Variants in RNF212 observed in about 807,000 individuals in gnomAD.
The protein encoded by RNF212 is probable E3 SUMO-protein ligase RNF212.
In RNF212, 33 loss-of-function variants were observed where a neutral mutation model predicts 34.7. The observed-to-expected ratio is 0.95, with a 90% confidence interval of 0.72 to 1.27. The LOEUF (loss-of-function observed/expected upper bound fraction) is 1.27, where lower values mean the gene tolerates loss of function less well. Among genes scored for constraint, RNF212 ranks in the 50% most tolerant of loss-of-function variants. The pLI is 0.00. For synonymous variants in RNF212, 140 were observed against 136.1 expected (o/e 1.03, Z -0.20); for missense variants, 377 against 362.2 (o/e 1.04, Z -0.33).
intron 5 of RNF212, chr4:1,085,617 G>T: frequency 1.9e-6 from 1 of 530,570 alleles, no homozygotes; most frequent in Non-Finnish European, 3.4e-6. Context: ...GGGGGCACCT[G>T]CTGCTCTCCC....
chr4:1,078,374 G>A (rs532768353), intron 8 of RNF212, among the ~76,000 whole-genome samples: 4 of 152,206 alleles, frequency 2.6e-5, no homozygotes, highest in African/African-American at 7.2e-5. Context: ...CCTCTCTCCC[G>A]TTTCCGAGCT....
chr4:1,094,111 G>A, intron 3 of RNF212: 1 of 1,383,262 alleles, frequency 7.2e-7, no homozygotes, highest in Non-Finnish European at 9.6e-7. Context: ...ACAAGCCCAT[G>A]AAGGAGAGTG....
intron 2 of RNF212, among the ~76,000 whole-genome samples, chr4:1,098,747 A>T (rs1723452317): frequency 6.6e-6 from 1 of 151,962 alleles, no homozygotes. Flanking sequence ...CAGAAACAGC[A>T]CCCCCTCAGC....
intron 4 of RNF212, chr4:1,057,055 GACACGGTAGTT>G (rs901120724): frequency 1.1e-6 from 1 of 916,242 alleles, no homozygotes; most frequent in African/African-American, 1.8e-5. Flanking sequence ...CATCTCTGGT[GACACGGTAGTT>G]ACAGCACTGG....
chr4:1,099,402 G>C (rs1723572468), intron 2 of RNF212, among the ~76,000 whole-genome samples: 1 of 152,218 alleles, frequency 6.6e-6, no homozygotes, highest in Non-Finnish European at 1.5e-5. Flanking sequence ...GAGCAGGGAA[G>C]AGGGGGAAAT....
chr4:1,108,753 A>C (rs1168586639), intron 1 of RNF212, among the ~76,000 whole-genome samples: 2 of 152,188 alleles, frequency 1.3e-5, no homozygotes, highest in Non-Finnish European at 2.9e-5. Flanking sequence ...GCTGATCTGC[A>C]AGTGGCATGA....
chr4:1,081,727 C>T, intron 5 of RNF212, 108 bp from the exon 6 acceptor site: 1 of 797,398 alleles, frequency 1.3e-6, no homozygotes, highest in Non-Finnish European at 2.1e-6. Context: ...AATGTTCTTA[C>T]TGGGTTTGCA....
chr4:1,070,429 C>A (rs1718388181), downstream of RNF212, among the ~76,000 whole-genome samples: 1 of 140,464 alleles, frequency 7.1e-6, no homozygotes, highest in Non-Finnish European at 1.5e-5. Context: ...GCTGTGTCAG[C>A]GTGGACGCCT....
At position 1,081,551 on chromosome 4, in the gene RNF212, G is replaced by A; in HGVS notation, c.415+16C>T. On this transcript the variant is annotated intron_variant, in intron 6 of 9. Coordinates refer to ENST00000433731, the MANE Select transcript of RNF212 (RefSeq NM_001131034.4). Reference sequence around the variant, plus strand: ...GCATCTCTATTTTGTTCTCTTTCTGGCATGATTTTACTTACTTGAAACTGA... The same window carrying A: ...GCATCTCTATTTTGTTCTCTTTCTGACATGATTTTACTTACTTGAAACTGA... The A allele has an allele frequency of 2.5e-6, 4 of 1,608,884 alleles. No homozygotes were observed. Among genetic ancestry groups the A allele is most frequent in the Non-Finnish European group, 3.4e-6 (4 of 1,175,368 alleles).
At chr4:1,085,165 T>G (rs1395641276) in intron 5 of RNF212, among the ~76,000 whole-genome samples, 2 of 152,236 alleles carry the variant, frequency 1.3e-5, no homozygotes, top group Non-Finnish European at 2.9e-5. Context: ...TCAACGCGTC[T>G]CGTAGAATCT....
At chr4:1,082,925 C>T (rs1014661727) in intron 5 of RNF212, among the ~76,000 whole-genome samples, 4 of 152,122 alleles carry the variant, frequency 2.6e-5, no homozygotes, top group African/African-American at 7.2e-5. Context: ...TGCACTGTTT[C>T]GTGGGAGCAA....
chr4:1,064,626 T>C (rs1219293273), intron 3 of RNF212, among the ~76,000 whole-genome samples: 1 of 152,198 alleles, frequency 6.6e-6, no homozygotes, highest in East Asian at 1.9e-4. Flanking sequence ...CCCTGGTGTC[T>C]CTTTTGTTTT....
intron 2 of RNF212, among the ~76,000 whole-genome samples, chr4:1,097,534 G>C (rs1364408932): frequency 6.6e-6 from 1 of 152,118 alleles, no homozygotes; most frequent in Non-Finnish European, 1.5e-5. Flanking sequence ...GAACCCAGGA[G>C]GCAGAGCTTG....
chr4:1,056,794 C>A, intron 4 of RNF212: 1 of 974,890 alleles, frequency 1.0e-6, no homozygotes, highest in South Asian at 4.7e-5. Context: ...TACACACGCA[C>A]TTTCCCAAGA....
intron 8 of RNF212, among the ~76,000 whole-genome samples, chr4:1,077,662 G>A (rs184043580): frequency 9.8e-5 from 15 of 152,350 alleles, no homozygotes; most frequent in South Asian, 8.3e-4. Flanking sequence ...GAGTTCATCC[G>A]TGAAACAAGG....
chr4:1,070,556 A>G (rs181854830), downstream of RNF212, among the ~76,000 whole-genome samples: 825 of 80,934 alleles, frequency 0.01, 22 homozygotes, highest in African/African-American at 0.024. Flanking sequence ...GGCCTGAGTT[A>G]CAGGTGGTTT....
At chr4:1,112,068 C>T (rs536167245) in intron 1 of RNF212, among the ~76,000 whole-genome samples, 4 of 152,256 alleles carry the variant, frequency 2.6e-5, no homozygotes, top group Admixed American at 2.6e-4. Flanking sequence ...ATCAGGGGTG[C>T]GTGGCTGCAC....
chr4:1,094,134 C>T, intron 3 of RNF212: 2 of 1,242,522 alleles, frequency 1.6e-6, no homozygotes, highest in Non-Finnish European at 2.2e-6. Flanking sequence ...ATGCAGGGGT[C>T]CATCCTCAGT....
At chr4:1,089,100 G>A (rs867095226) in intron 4 of RNF212, among the ~76,000 whole-genome samples, 13 of 152,208 alleles carry the variant, frequency 8.5e-5, no homozygotes, top group Admixed American at 2.0e-4. Flanking sequence ...TCCTCCAGAC[G>A]CCAGAATGGT....
Sources: gnomAD v4.1 joint callset for allele counts (sites outside exome capture counted in the v4.1 genomes callset) on GRCh38, gnomAD v4.1.1 for gene constraint, MANE v1.5 for transcripts, NCBI Gene and HGNC (gene_info 2026-07-23, HGNC 2026-07-21) for gene names.